The following MOCOS variants were observed in gnomAD, a reference collection of about 807,000 sequenced individuals.
MOCOS encodes the protein molybdenum cofactor sulfurase.
MOCOS carries 86 observed loss-of-function variants against 83.6 expected under a neutral mutation model. The observed-to-expected ratio is 1.03, with a 90% CI of 0.86 to 1.23. The LOEUF is 1.23. MOCOS is among the 50% of genes most tolerant of loss of function. The probability of loss-of-function intolerance (pLI) is 0.00; values close to 1 mark genes in which losing one functional copy is unlikely to be tolerated. For missense variants in MOCOS, 1,120 were observed against 1,126.9 expected (o/e 0.99, Z 0.09); for synonymous variants, 445 against 434.7 (o/e 1.02, Z -0.29).
At chr18:36,254,621 A>G (rs903902222) in intron 11 of MOCOS, among the ~76,000 whole-genome samples, 1 of 151,492 alleles carries the variant, frequency 6.6e-6, no homozygotes. Flanking sequence ...ACACACATAT[A>G]TATATGAACG....
intron 6 of MOCOS, among the ~76,000 whole-genome samples, chr18:36,212,233 C>T (rs2091458076): frequency 6.6e-6 from 1 of 152,234 alleles, no homozygotes; most frequent in African/African-American, 2.4e-5. Flanking sequence ...TTAAATTCTT[C>T]CCACACTGTA....
rs141698272 is a variant in MOCOS, at chr18:36,200,897, G to A, written c.941+573G>A. The stretch of plus-strand genomic sequence containing the variant: ...AGCCCCACTGTGAGTGAGTTACAGA[G>A]GGAGTCTGGGTGCAGGTTGTCACTT... On this transcript the variant is annotated intron_variant, in intron 4 of 14. Coordinates refer to ENST00000261326, the MANE Select transcript of MOCOS (RefSeq NM_017947.4). Among the ~76,000 whole-genome samples the A allele has an allele frequency of 1.6e-3, 238 of 152,352 alleles. 2 individuals are homozygous for A. The highest frequency in any genetic ancestry group is 5.2e-3 in the African/African-American group (215 of 41,584).
At chr18:36,212,894 A>G (rs1417090375) in intron 6 of MOCOS, among the ~76,000 whole-genome samples, 1 of 152,182 alleles carries the variant, frequency 6.6e-6, no homozygotes, top group Non-Finnish European at 1.5e-5. Context: ...TACTTGATTC[A>G]CAGCCTGGAG....
At chr18:36,266,140 A>ACCT (rs1179453206) in intron 13 of MOCOS, among the ~76,000 whole-genome samples, 1 of 150,512 alleles carries the variant, frequency 6.6e-6, no homozygotes, top group African/African-American at 2.4e-5. Context: ...TGGCTCTGCG[A>ACCT]CCTCCTCCTC....
rs773730383 is a variant in MOCOS at position 36,189,034 on chromosome 18, CA to C, written c.142+1355del. On this transcript the variant is annotated intron_variant, in intron 1 of 14. Coordinates refer to ENST00000261326, the MANE Select transcript of MOCOS (RefSeq NM_017947.4). ...GAGGGAGGCTCTCCATTCTTTGAAG[CA>C]ACTCTTCAAGGCTACCTGAGTAATT... is the stretch of plus-strand genomic sequence containing the variant. 2.3e-3 allele frequency among the ~76,000 whole-genome samples: 350 copies of C among 152,114 alleles called. 3 individuals carry two copies. Among genetic ancestry groups the C allele is most frequent in the African/African-American group, 7.8e-3 (323 of 41,498 alleles).
intron 6 of MOCOS, among the ~76,000 whole-genome samples, chr18:36,205,859 C>T (rs2091432745): frequency 6.6e-6 from 1 of 151,998 alleles, no homozygotes; most frequent in Non-Finnish European, 1.5e-5. Context: ...CATGCCTCAG[C>T]CTTCCGAGTA....
intron 4 of MOCOS, among the ~76,000 whole-genome samples, chr18:36,202,886 G>A (rs550143369): frequency 6.6e-6 from 1 of 152,172 alleles, no homozygotes; most frequent in African/African-American, 2.4e-5. Context: ...TCACTATCAC[G>A]AAATGAGAAC....
chr18:36,237,415 T>C (rs1448296606), intron 9 of MOCOS, among the ~76,000 whole-genome samples: 1 of 152,238 alleles, frequency 6.6e-6, no homozygotes, highest in East Asian at 1.9e-4. Context: ...TGTGGCTCTG[T>C]TTATATGCTG....
intron 2 of MOCOS, 76 bp from the exon 3 acceptor site, chr18:36,198,614 G>A (rs2091399553): frequency 1.4e-6 from 2 of 1,404,296 alleles, no homozygotes; most frequent in African/African-American, 2.8e-5. Flanking sequence ...AGAAACTGAG[G>A]GAGTGGATTC....
At chr18:36,226,186 T>C (rs1029437548) in intron 9 of MOCOS, among the ~76,000 whole-genome samples, 11 of 152,190 alleles carry the variant, frequency 7.2e-5, no homozygotes, top group Admixed American at 3.9e-4. Context: ...TTGCTTTATG[T>C]ATTTAGGTGC....
intron 8 of MOCOS, among the ~76,000 whole-genome samples, chr18:36,219,381 A>G (rs2091487350): frequency 6.6e-6 from 1 of 152,088 alleles, no homozygotes; most frequent in African/African-American, 2.4e-5. Flanking sequence ...CTAAGGAAGG[A>G]TATACAAGAG....
At chr18:36,267,902 C>A (rs1469711175) in intron 14 of MOCOS, among the ~76,000 whole-genome samples, 2 of 152,132 alleles carry the variant, frequency 1.3e-5, no homozygotes, top group African/African-American at 4.8e-5. Context: ...CACATTTGTA[C>A]AAATCATGAG....
At chr18:36,212,674 C>G (rs758810738) in intron 6 of MOCOS, among the ~76,000 whole-genome samples, 1 of 152,182 alleles carries the variant, frequency 6.6e-6, no homozygotes, top group Non-Finnish European at 1.5e-5. Flanking sequence ...TGGGAGGCAT[C>G]GTTGCCCAGC....
rs576409195 is a variant in MOCOS at position 36,187,546 on chromosome 18, G to A, written c.7G>A (p.Gly3Ser). MAGAAAESGRELW... is the reference protein window; with the variant it reads MASAAAESGRELW... ...GGATGGACTAGCCGGGGCCATGGCCGGCGCGGCGGCGGAGTCAGGGCGGGA... is the reference window on the plus strand; with the variant it reads ...GGATGGACTAGCCGGGGCCATGGCCAGCGCGGCGGCGGAGTCAGGGCGGGA... Residue 3 changes from glycine (G) to serine (S), a missense_variant, in exon 1 of 15, where the codon GGC becomes AGC. Coordinates refer to ENST00000261326, the MANE Select transcript of MOCOS (RefSeq NM_017947.4). 5 of 1,237,376 alleles carry A rather than the reference G, an allele frequency of 4.0e-6. No homozygotes were observed. The highest frequency in any genetic ancestry group is 4.0e-6 in the Non-Finnish European group (4 of 990,370). 76.6% of individuals were successfully genotyped at this position (1,237,376 alleles called of 1,614,324 possible).
chr18:36,262,942 C>A lies in MOCOS; in HGVS notation c.2409+2767C>A, dbSNP rs543816415. 7.2e-5 allele frequency among the ~76,000 whole-genome samples: 11 copies of A among 152,194 alleles called. No homozygotes were observed. The East Asian group carries it at 2.1e-3, about 29-fold the overall frequency. ...TAGGCAAAACAGCAAGACTTTATCT[C>A]TACAGAATATTAAAAAATTAGCTGG... On this transcript the variant is annotated intron_variant, in intron 13 of 14. Transcript: ENST00000261326.
At position 36,213,413 on chromosome 18, in the gene MOCOS, C is replaced by A. The variant is rs780994367; in HGVS notation, c.1266C>A (p.Cys422Ter). ...ACAACATCCACCTGCGAACTGGCTGCTTCTGTAACACTGGGGCCTGCCAGA... is the reference window on the plus strand; with the variant it reads ...ACAACATCCACCTGCGAACTGGCTGATTCTGTAACACTGGGGCCTGCCAGA... ...SLYNIHLRTG[C>*]FCNTGACQRH... is the part of the protein sequence containing the mutation. Residue 422 changes from cysteine to a stop codon, truncating the protein, a stop_gained, in exon 7 of 15, where the codon TGC (cysteine) becomes TGA (stop). Coordinates refer to ENST00000261326, the MANE Select transcript of MOCOS (RefSeq NM_017947.4). LOFTEE classifies it high-confidence loss of function. The A allele has an allele frequency of 1.9e-6, 3 of 1,614,128 alleles. No homozygotes were observed. The highest frequency in any genetic ancestry group is 1.7e-6 in the Non-Finnish European group (2 of 1,180,020).
At chr18:36,217,889 G>A (rs75249338) in intron 8 of MOCOS, among the ~76,000 whole-genome samples, 3,560 of 152,246 alleles carry the variant, frequency 0.023, 110 homozygotes, top group East Asian at 0.14. Context: ...GGATGCTGCA[G>A]CCTTTCCTCA....
At chr18:36,197,313 A>G (rs923117069) in intron 2 of MOCOS, among the ~76,000 whole-genome samples, 27 of 152,176 alleles carry the variant, frequency 1.8e-4, no homozygotes, top group African/African-American at 6.3e-4. Context: ...TGTATACTGC[A>G]TTCTCTGGAG....
intron 4 of MOCOS, among the ~76,000 whole-genome samples, chr18:36,201,969 G>A (rs2144903343): frequency 6.6e-6 from 1 of 152,324 alleles, no homozygotes; most frequent in African/African-American, 2.4e-5. Flanking sequence ...AAGGCCAGGA[G>A]AAGTGGGGCA....
Sources: gnomAD v4.1 joint callset for allele counts (sites outside exome capture counted in the v4.1 genomes callset) on GRCh38, gnomAD v4.1.1 for gene constraint, MANE v1.5 for transcripts, NCBI Gene and HGNC (gene_info 2026-07-23, HGNC 2026-07-21) for gene names.